FGR: variants seen among roughly 807,000 people sequenced by gnomAD.
The protein encoded by FGR is FGR proto-oncogene, Src family tyrosine kinase, also known as tyrosine-protein kinase Fgr.
In FGR, 26 loss-of-function variants were observed where a neutral mutation model predicts 63.2. The observed-to-expected ratio is 0.41, with a 90% CI of 0.30 to 0.57. The LOEUF is 0.57. Ranked by LOEUF, FGR falls within the 20% of genes least tolerant of loss-of-function variation. FGR has a pLI of 0.27. For missense variants in FGR, 511 were observed against 690.8 expected, an observed-to-expected ratio of 0.74 and a Z score of 2.92; for synonymous variants, 286 against 277.7, an observed-to-expected ratio of 1.03 and a Z score of -0.30.
In FGR at chr1:27,617,853, C is replaced by T. The variant is rs2089843675; in HGVS notation, c.429-557G>A. The stretch of plus-strand genomic sequence containing the variant: ...CGCCCCGGCTACTGCTCTTCCTGCA[C>T]TCTCTTAGACTTGGATGTTGTCCTA... On this transcript the variant is annotated intron_variant, in intron 5 of 12. Coordinates refer to ENST00000374005, the MANE Select transcript of FGR (RefSeq NM_005248.3). The surrounding 1 kb of genome is among the most constrained non-coding windows in gnomAD (Gnocchi z 4.5). Among the ~76,000 whole-genome samples the T allele has an allele frequency of 1.3e-5, 2 of 152,218 alleles. No individual in the cohort carries two copies. Among genetic ancestry groups the T allele is most frequent in the African/African-American group, 2.4e-5 (1 of 41,440 alleles).
chr1:27,630,582 G>GGA (rs34719941), intron 1 of FGR, among the ~76,000 whole-genome samples: 7 of 150,510 alleles, frequency 4.7e-5, no homozygotes, highest in East Asian at 3.9e-4. Context: ...GAGGGGCGCA[G>GGA]GAGAGAGAGA....
chr1:27,626,430 G>C lies in FGR; in HGVS notation c.-76-1279C>G, dbSNP rs539959359. The C allele has an allele frequency of 9.3e-5, 35 of 377,438 alleles. No individual in the cohort carries two copies. In the Middle Eastern group the frequency reaches 2.7e-3, roughly 29 times the overall value. 23.4% of individuals were successfully genotyped at this position (377,438 alleles called of 1,614,324 possible). On this transcript the variant is annotated intron_variant, in intron 1 of 12. Transcript: ENST00000374005. The stretch of plus-strand genomic sequence containing the variant: ...GATATTCTCTTCCTCTTCTCTCTGG[G>C]TCCTATCCTTTCTACCTAGCACCAC...
intron 11 of FGR, 123 bp downstream of exon 11, chr1:27,614,307 T>C: frequency 2.6e-6 from 3 of 1,143,526 alleles, no homozygotes; most frequent in Non-Finnish European, 3.7e-6. Flanking sequence ...TTGCCTCTCA[T>C]ACTACATCAG....
rs185823843 is a variant in FGR, at chr1:27,623,158, G to T, written c.227-14C>A. On this transcript the variant is annotated splice_polypyrimidine_tract_variant and intron_variant, in intron 3 of 12. Coordinates refer to ENST00000374005, the MANE Select transcript of FGR (RefSeq NM_005248.3). ...TCACCCCAATCCCTGCAGAGTCAGGGCTACTCAGCAGGGTAGGGCATGGGG... is the reference window on the plus strand; with the variant it reads ...TCACCCCAATCCCTGCAGAGTCAGGTCTACTCAGCAGGGTAGGGCATGGGG... 1.3e-6 allele frequency: 2 copies of T among 1,594,000 alleles called. No individual in the cohort carries two copies. The highest frequency in any genetic ancestry group is 8.6e-7 in the Non-Finnish European group (1 of 1,161,688).
In FGR at chr1:27,620,991, C is replaced by CAAAAAAAAAAAAAAAAAAAAAA. The variant is rs59265327; in HGVS notation, c.428+546_428+567dup. 1.2e-3 allele frequency among the ~76,000 whole-genome samples: 26 copies of CAAAAAAAAAAAAAAAAAAAAAA among 22,018 alleles called. 1 individual carries two copies. Among genetic ancestry groups the CAAAAAAAAAAAAAAAAAAAAAA allele is most frequent in the Non-Finnish European group, 1.7e-3 (15 of 8,808 alleles). 14.4% of individuals were successfully genotyped at this position (22,018 alleles called of 152,430 possible). On this transcript the variant is annotated intron_variant, in intron 5 of 12. Coordinates refer to ENST00000374005, the MANE Select transcript of FGR (RefSeq NM_005248.3). Reference sequence around the variant, plus strand: ...TAGGCAACAGAGTAGGACCCTGTCTCAAAAAAAAAAAAAAAAAAAAAAAAA... The same window carrying CAAAAAAAAAAAAAAAAAAAAAA: ...TAGGCAACAGAGTAGGACCCTGTCTCAAAAAAAAAAAAAAAAAAAAAAAAAAAAAAAAAAAAAAAAAAAAAAA...
Position 27,614,568 on chromosome 1 carries a change from C to T in FGR, c.1111G>A (p.Ala371Thr). 4 of 1,613,994 alleles carry T rather than the reference C, an allele frequency of 2.5e-6. No homozygotes were observed. The South Asian group carries it at 3.3e-5, about 13-fold the overall frequency. Residue 371 changes from alanine (A) to threonine (T), a missense_variant, in exon 11 of 13, where the codon GCC becomes ACC. Transcript: ENST00000374005. ...DMAAQVAEGMAYMERMNYIHR... is the reference protein window; with the variant it reads ...DMAAQVAEGMTYMERMNYIHR... ...ATGTAGTTCATGCGTTCCATGTAGG[C>T]CATGCCCTCAGCTACCTGGGGGACC...
chr1:27,630,517 T>C (rs980259115), intron 1 of FGR, among the ~76,000 whole-genome samples: 4 of 152,098 alleles, frequency 2.6e-5, no homozygotes, highest in African/African-American at 9.7e-5. Context: ...TTCTCAGCCC[T>C]GTGCCTCATG....
chr1:27,628,583 A>G (rs1282533337), intron 1 of FGR, among the ~76,000 whole-genome samples: 1 of 150,042 alleles, frequency 6.7e-6, no homozygotes, highest in Non-Finnish European at 1.5e-5. Context: ...CTCCGGTGAC[A>G]TGGACCCACA....
chr1:27,623,699 C>G lies in FGR; in HGVS notation c.218G>C (p.Gly73Ala). The G allele has an allele frequency of 6.2e-7, 1 of 1,614,150 alleles. No homozygotes were observed. The highest frequency in any genetic ancestry group is 8.5e-7 in the Non-Finnish European group (1 of 1,179,992). Residue 73 changes from glycine to alanine, a missense_variant, in exon 3 of 13, where the codon GGT (glycine) becomes GCT (alanine). By Grantham distance (60) the Gly-to-Ala change is moderately conservative. Coordinates refer to ENST00000374005, the MANE Select transcript of FGR (RefSeq NM_005248.3). ...CGACCCCTTGGACTCACCTGACACA[C>G]CCCTGATGGTGCCACTATCAAGGAA... ...PGFLDSGTIR[G>A]VSGIGVTLFI...
intron 5 of FGR, among the ~76,000 whole-genome samples, chr1:27,618,175 G>A (rs557035470): frequency 2.4e-4 from 37 of 152,286 alleles, no homozygotes; most frequent in African/African-American, 8.7e-4. Flanking sequence ...GGCAAGTGGT[G>A]TGTCCAGGAG....
At chr1:27,623,966 C>T in intron 2 of FGR, 37 bp from the exon 3 acceptor site, 2 of 1,499,064 alleles carry the variant, frequency 1.3e-6, no homozygotes, top group Non-Finnish European at 1.8e-6. Context: ...AGGACCCCTG[C>T]CAGGTGCACC....
rs1324923405 is a variant in FGR at position 27,616,906 on chromosome 1, G to A, written c.633C>T (p.Thr211=). ...RKLDMGGYYI[T]TRVQFNSVQE... is the part of the protein sequence containing the mutation. ...GCACCGAGTTGAACTGAACCCGTGT[G>A]GTGATGTAGTAGCCGCCCATGTCCA... Residue 211 remains threonine (T), a synonymous_variant, in exon 7 of 13, where the codon ACC becomes ACT. Transcript: ENST00000374005. The surrounding 1 kb of genome is among the most constrained non-coding windows in gnomAD (Gnocchi z 4.3). 6.2e-7 allele frequency: 1 copy of A among 1,614,186 alleles called. No homozygotes were observed. The highest frequency in any genetic ancestry group is 8.5e-7 in the Non-Finnish European group (1 of 1,180,026).
chr1:27,616,948 A>G lies in FGR; in HGVS notation c.591T>C (p.His197=), dbSNP rs756970319. ...CCATGTCCAGTTTGCGGATCTTGTAATGCTTCACATGATCGCCTCTGGTCT... is the reference window on the plus strand; with the variant it reads ...CCATGTCCAGTTTGCGGATCTTGTAGTGCTTCACATGATCGCCTCTGGTCT... The part of the protein sequence containing the change: ...WDQTRGDHVK[H]YKIRKLDMGG... The change falls in exon 7 of 13, where the codon CAT becomes CAC. Residue 197 remains histidine (H), a synonymous_variant. Coordinates refer to ENST00000374005, the MANE Select transcript of FGR (RefSeq NM_005248.3). This position sits in a 1 kb window ranked among gnomAD's most constrained non-coding sequence, Gnocchi z 4.3. 3.7e-6 allele frequency: 6 copies of G among 1,614,150 alleles called. No homozygotes were observed. Among genetic ancestry groups the G allele is most frequent in the African/African-American group, 1.3e-5 (1 of 75,036 alleles).
intron 1 of FGR, among the ~76,000 whole-genome samples, chr1:27,632,910 C>A (rs1223517824): frequency 6.6e-6 from 1 of 152,104 alleles, no homozygotes. Flanking sequence ...TGGGAAGAGC[C>A]CTGGCCCCTA....
intron 1 of FGR, among the ~76,000 whole-genome samples, 154 bp from the exon 2 acceptor site, chr1:27,625,305 C>T (rs768504349): frequency 6.6e-6 from 1 of 152,172 alleles, no homozygotes; most frequent in East Asian, 1.9e-4. Context: ...ACCCCTGGCA[C>T]ACTTACACAA....
chr1:27,624,663 A>G (rs547219519), intron 2 of FGR, among the ~76,000 whole-genome samples: 5 of 151,800 alleles, frequency 3.3e-5, no homozygotes, highest in African/African-American at 1.2e-4. Flanking sequence ...GCATGTGTAT[A>G]TGTCTGTAAG....
In FGR at chr1:27,616,957, A is replaced by G. The variant is rs1171833766; in HGVS notation, c.582T>C (p.His194=). The change falls in exon 7 of 13, where the codon CAT becomes CAC. Residue 194 remains histidine, a synonymous_variant. Coordinates refer to ENST00000374005, the MANE Select transcript of FGR (RefSeq NM_005248.3). This position sits in a 1 kb window ranked among gnomAD's most constrained non-coding sequence, Gnocchi z 4.3. The stretch of plus-strand genomic sequence containing the variant: ...GTTTGCGGATCTTGTAATGCTTCAC[A>G]TGATCGCCTCTGGTCTGATCCCAGT... ...IRDWDQTRGD[H]VKHYKIRKLD... 17 of 1,614,048 alleles carry G rather than the reference A, an allele frequency of 1.1e-5. No individual in the cohort carries two copies. The highest frequency in any genetic ancestry group is 1.3e-5 in the Non-Finnish European group (15 of 1,180,034).
In FGR at chr1:27,617,219, A is replaced by T; in HGVS notation, c.506T>A (p.Leu169His). 1 of 1,614,154 alleles carries T rather than the reference A, an allele frequency of 6.2e-7. No homozygotes were observed. The highest frequency in any genetic ancestry group is 8.5e-7 in the Non-Finnish European group (1 of 1,179,986). The change falls in exon 6 of 13, where the codon CTC becomes CAC. Residue 169 changes from leucine to histidine, a missense_variant. Leu to His is a moderately conservative substitution (Grantham distance 99). Coordinates refer to ENST00000374005, the MANE Select transcript of FGR (RefSeq NM_005248.3). The surrounding 1 kb of genome is among the most constrained non-coding windows in gnomAD (Gnocchi z 4.5). ...TTTGGTGGTCTCGCTTTCCCGAATG[A>T]GAAAGGCCCCCTGGGGGTTGCCTGG... ...LSPGNPQGAF[L>H]IRESETTKGA...
chr1:27,613,025 C>G lies in FGR; in HGVS notation c.1479G>C (p.Gln493His). The change falls in exon 13 of 13, where the codon CAG (glutamine) becomes CAC (histidine). Residue 493 changes from glutamine (Q) to histidine (H), a missense_variant. Transcript: ENST00000374005. ...TCTCCTCCGGGTCCAGACGCCAGGT[C>G]TGTTCCATGGCCTCGTACAGGGATG... ...CPASLYEAME[Q>H]TWRLDPEERP... The G allele has an allele frequency of 6.2e-7, 1 of 1,614,236 alleles. No homozygotes were observed. The highest frequency in any genetic ancestry group is 8.5e-7 in the Non-Finnish European group (1 of 1,180,042).
Sources: gnomAD v4.1 joint callset for allele counts (sites outside exome capture counted in the v4.1 genomes callset) on GRCh38, gnomAD v4.1.1 for gene constraint, Gnocchi (gnomAD v3.1) non-coding constraint, MANE v1.5 for transcripts, NCBI Gene and HGNC (gene_info 2026-07-23, HGNC 2026-07-21) for gene names.